CSMD3: variants seen among roughly 807,000 people sequenced by gnomAD.
The protein encoded by CSMD3 is CUB and Sushi multiple domains 3.
A neutral mutation model predicts 435.2 loss-of-function variants in CSMD3; 177 were observed. The observed-to-expected ratio is 0.41, with a 90% confidence interval of 0.36 to 0.46. CSMD3 has a LOEUF of 0.46. Among genes scored for constraint, CSMD3 ranks in the 20% least tolerant of loss-of-function variants. The pLI is 0.34. For synonymous variants in CSMD3, 1,656 were observed against 1,520.5 expected, an observed-to-expected ratio of 1.09 and a Z score of -2.07; for missense variants, 4,265 against 4,504.6, an observed-to-expected ratio of 0.95 and a Z score of 1.52.
intron 6 of CSMD3, among the ~76,000 whole-genome samples, chr8:113,016,308 T>C (rs1464889535): frequency 6.6e-6 from 1 of 151,894 alleles, no homozygotes; most frequent in Non-Finnish European, 1.5e-5. Flanking sequence ...ATTCTCAGTC[T>C]CTACTTAATC....
intron 12 of CSMD3, among the ~76,000 whole-genome samples, chr8:112,810,794 T>G (rs1219811207): frequency 1.3e-5 from 2 of 152,176 alleles, no homozygotes; most frequent in East Asian, 1.9e-4. Flanking sequence ...ATTTTGGCCC[T>G]CCAAAAAATA....
intron 3 of CSMD3, among the ~76,000 whole-genome samples, chr8:113,216,511 A>G (rs2092907942): frequency 6.6e-6 from 1 of 151,854 alleles, no homozygotes. Flanking sequence ...TTTTTTTAAA[A>G]TTTCAAAATT....
At chr8:112,927,907 G>A (rs1401063732) in intron 9 of CSMD3, among the ~76,000 whole-genome samples, 3 of 151,994 alleles carry the variant, frequency 2.0e-5, no homozygotes, top group Non-Finnish European at 2.9e-5. Context: ...CTTGCTTTGT[G>A]GAATGCTTAA....
intron 32 of CSMD3, among the ~76,000 whole-genome samples, chr8:112,456,795 A>G (rs942630030): frequency 3.3e-5 from 5 of 152,098 alleles, no homozygotes; most frequent in Admixed American, 2.0e-4. Context: ...TTGTCCTTTT[A>G]CTGCAGGGTA....
chr8:112,511,262 T>A (rs1586561181), intron 28 of CSMD3, among the ~76,000 whole-genome samples: 2 of 152,168 alleles, frequency 1.3e-5, no homozygotes, highest in Non-Finnish European at 2.9e-5. Context: ...AATGGTCATC[T>A]GAGTCTTCAG....
At chr8:113,392,128 G>A (rs1189601268) in intron 1 of CSMD3, among the ~76,000 whole-genome samples, 2 of 152,066 alleles carry the variant, frequency 1.3e-5, no homozygotes, top group African/African-American at 2.4e-5. Context: ...CATTAGTTTT[G>A]AGAGTAAATT....
intron 22 of CSMD3, among the ~76,000 whole-genome samples, chr8:112,622,938 A>G (rs1563779219): frequency 6.6e-6 from 1 of 152,074 alleles, no homozygotes; most frequent in Non-Finnish European, 1.5e-5. Flanking sequence ...TATGTTTTTC[A>G]ACTTGCCACA....
At chr8:112,541,727 A>G (rs1365823470) in intron 27 of CSMD3, among the ~76,000 whole-genome samples, 1 of 151,958 alleles carries the variant, frequency 6.6e-6, no homozygotes, top group East Asian at 1.9e-4. Context: ...ACCCCCGCAA[A>G]TTGAAACAAA....
At chr8:113,012,399 T>C (rs1386603742) in intron 6 of CSMD3, among the ~76,000 whole-genome samples, 2 of 152,002 alleles carry the variant, frequency 1.3e-5, no homozygotes, top group Admixed American at 1.3e-4. Flanking sequence ...CTATGTCTAA[T>C]ATGGTTTGGC....
Position 112,552,613 on chromosome 8 carries a change from C to A in CSMD3, c.4342G>T (p.Asp1448Tyr), listed in dbSNP as rs758281787. 6.2e-7 allele frequency: 1 copy of A among 1,612,322 alleles called. No homozygotes were observed. Among genetic ancestry groups the A allele is most frequent in the Non-Finnish European group, 8.5e-7 (1 of 1,178,972 alleles). The change falls in exon 26 of 71, where the codon GAT becomes TAT. Residue 1448 changes from aspartate to tyrosine, a missense_variant. Around this residue, in one of 3 missense-constraint regions of CSMD3, gnomAD observed 3,255 missense variants for 3,380.2 expected, o/e 0.96. Transcript: ENST00000297405. ...NLRCMWMIEV[D>Y]PGNIVSLQFL... ...ATTTACCTGACAATATTTCCAGGAT[C>A]TACCTCAATCATCCACATGCAACGC...
intron 1 of CSMD3, chr8:113,377,034 TGGGGCGGAGC>T: frequency 9.4e-6 from 1 of 105,978 alleles, no homozygotes; most frequent in Non-Finnish European, 1.1e-5. Context: ...GGGGTGGGGG[TGGGGCGGAGC>T]GGAGCGGGGC....
At chr8:112,755,927 T>C (rs1243856435) in intron 13 of CSMD3, among the ~76,000 whole-genome samples, 1 of 151,546 alleles carries the variant, frequency 6.6e-6, no homozygotes, top group Non-Finnish European at 1.5e-5. Flanking sequence ...TTATTTTATT[T>C]TATTTTATTT....
chr8:112,378,357 A>G (rs35577298), intron 38 of CSMD3, among the ~76,000 whole-genome samples: 38,448 of 151,896 alleles, frequency 0.25, 5,203 homozygotes, highest in African/African-American at 0.33. Flanking sequence ...TATCAAAGAG[A>G]TACCTCCACT....
At chr8:113,436,385 T>G (rs2094706223) in intron 1 of CSMD3, among the ~76,000 whole-genome samples, 1 of 152,172 alleles carries the variant, frequency 6.6e-6, no homozygotes, top group Non-Finnish European at 1.5e-5. Flanking sequence ...TGCAGAGGAA[T>G]TCTGCCTGGA....
intron 11 of CSMD3, among the ~76,000 whole-genome samples, chr8:112,857,505 A>C (rs752775767): frequency 4.6e-5 from 7 of 151,766 alleles, no homozygotes; most frequent in Admixed American, 1.3e-4. Flanking sequence ...TCTCCATCTC[A>C]ATGCAAGATT....
At chr8:112,564,556 C>T (rs916824307) in intron 24 of CSMD3, among the ~76,000 whole-genome samples, 2 of 152,038 alleles carry the variant, frequency 1.3e-5, no homozygotes, top group African/African-American at 4.8e-5. Context: ...AAGACCACTG[C>T]TGGCTTTCAG....
chr8:112,772,236 G>A (rs567363548), intron 13 of CSMD3, among the ~76,000 whole-genome samples: 1 of 152,026 alleles, frequency 6.6e-6, no homozygotes, highest in Non-Finnish European at 1.5e-5. Context: ...GTAGACATAA[G>A]AGACTCCATT....
intron 5 of CSMD3, among the ~76,000 whole-genome samples, chr8:113,088,520 C>T (rs1234056722): frequency 6.6e-6 from 1 of 151,244 alleles, no homozygotes; most frequent in Non-Finnish European, 1.5e-5. Flanking sequence ...CCATGGAATA[C>T]TATGCAGCCA....
intron 38 of CSMD3, among the ~76,000 whole-genome samples, chr8:112,373,174 G>A (rs1828604612): frequency 6.6e-6 from 1 of 151,660 alleles, no homozygotes; most frequent in South Asian, 2.1e-4. Flanking sequence ...TATAGTAAGA[G>A]TCTACTTTCT....
Sources: allele counts gnomAD v4.1 joint callset (sites outside exome capture counted in the v4.1 genomes callset), GRCh38; gene constraint gnomAD v4.1.1; regional missense constraint gnomAD v4.1.1; transcripts MANE v1.5; gene names NCBI Gene and HGNC (gene_info 2026-07-23, HGNC 2026-07-21).